LRP5: variants seen among roughly 807,000 people sequenced by gnomAD.
LRP5 encodes the protein LDL receptor related protein 5, also known as low-density lipoprotein receptor-related protein 5.
A neutral mutation model predicts 154.1 loss-of-function variants in LRP5; 62 were observed. The observed-to-expected ratio is 0.40, with a 90% CI of 0.33 to 0.50. LRP5 has a LOEUF of 0.50. LRP5 is among the 20% of genes least tolerant of loss of function. LRP5 has a pLI of 0.55. For missense variants in LRP5, 1,915 were observed against 2,336.7 expected (o/e 0.82, Z 3.72); for synonymous variants, 966 against 1,011.5 (o/e 0.96, Z 0.85).
rs767621266 is a variant in LRP5, at chr11:68,405,783, A to G, written c.1802-741A>G. On this transcript the variant is annotated intron_variant, in intron 8 of 22. Coordinates refer to ENST00000294304, the MANE Select transcript of LRP5 (RefSeq NM_002335.4). ...CAAAAATAAACGAACGGTCTGTACT[A>G]TGTGAAAAAGAGGCAGCTTTGGCCA... 1.8e-4 allele frequency among the ~76,000 whole-genome samples: 28 copies of G among 152,362 alleles called. No homozygotes were observed. In the Middle Eastern group the frequency reaches 0.01, roughly 56 times the overall value.
chr11:68,342,112 G>A (rs541104950), intron 1 of LRP5, among the ~76,000 whole-genome samples: 1 of 150,702 alleles, frequency 6.6e-6, no homozygotes, highest in Non-Finnish European at 1.5e-5. Flanking sequence ...TTTTTGTAGA[G>A]ATGCGGTCTT....
rs2098643421 is a variant in LRP5 at position 68,386,980 on chromosome 11, GAGCCCTTTGT to G, written c.1412+269_1412+278del. Among the ~76,000 whole-genome samples, 4 of 152,324 alleles carry G rather than the reference GAGCCCTTTGT, an allele frequency of 2.6e-5. No homozygotes were observed. The South Asian group carries it at 8.3e-4, about 32-fold the overall frequency. On this transcript the variant is annotated intron_variant, in intron 6 of 22. Transcript: ENST00000294304. The surrounding 1 kb of genome is among the most constrained non-coding windows in gnomAD (Gnocchi z 7.9). ...GTAGAAAGCCCTGGAGACCTGGAGG[GAGCCCTTTGT>G]TCCCCTGGCTTCAGTTTCCTCATCT...
intron 8 of LRP5, 118 bp from the exon 9 acceptor site, chr11:68,406,406 T>C: frequency 8.7e-7 from 1 of 1,144,086 alleles, no homozygotes; most frequent in Non-Finnish European, 1.3e-6. Context: ...GGGTGAGTCC[T>C]GAGCTCGGCA....
chr11:68,412,173 C>T (rs889035813), intron 11 of LRP5, among the ~76,000 whole-genome samples: 48 of 152,098 alleles, frequency 3.2e-4, no homozygotes, highest in Admixed American at 1.7e-3. Flanking sequence ...AAAACCTATC[C>T]CAAGTCACAC....
At chr11:68,409,353 G>A (rs1168592968) in intron 9 of LRP5, among the ~76,000 whole-genome samples, 14 of 143,800 alleles carry the variant, frequency 9.7e-5, no homozygotes, top group South Asian at 2.2e-4. Context: ...TTTAATGTAT[G>A]ATATATAATA....
Position 68,403,803 on chromosome 11 carries a change from A to G in LRP5, c.1801+104A>G, listed in dbSNP as rs1210813579. ...ATAAGTGTTGAGCTCAGGTGCCCCG[A>G]CCTGGGGAAGGGCAGGACAGGAAAG... On this transcript the variant is annotated intron_variant, in intron 8 of 22. Transcript: ENST00000294304. 7.9e-6 allele frequency: 11 copies of G among 1,386,570 alleles called. 1 individual carries two copies. The highest frequency in any genetic ancestry group is 1.1e-5 in the Non-Finnish European group (11 of 1,000,042). The allele number at this position is 1,386,570 out of a possible 1,614,324, so 85.9% of individuals were successfully genotyped here.
chr11:68,356,412 C>T (rs534058230), intron 2 of LRP5, among the ~76,000 whole-genome samples: 2 of 152,164 alleles, frequency 1.3e-5, no homozygotes, highest in Non-Finnish European at 1.5e-5. Flanking sequence ...ACTGGAATTA[C>T]AGGTGCAAGC....
intron 21 of LRP5, among the ~76,000 whole-genome samples, chr11:68,443,583 A>ATTTT (rs1352836968): frequency 1.2e-4 from 4 of 33,064 alleles, no homozygotes; most frequent in African/African-American, 4.3e-4. Context: ...ATATATATAT[A>ATTTT]TATTTTTTTT....
At chr11:68,404,994 TCC>T (rs2098654756) in intron 8 of LRP5, among the ~76,000 whole-genome samples, 2 of 108,422 alleles carry the variant, frequency 1.8e-5, no homozygotes, top group Admixed American at 9.0e-5. Flanking sequence ...AAAAAAAAAG[TCC>T]AAAAAAAAAA....
At chr11:68,437,161 G>C (rs1452012957) in intron 19 of LRP5, among the ~76,000 whole-genome samples, 162 bp downstream of exon 19, 1 of 152,212 alleles carries the variant, frequency 6.6e-6, no homozygotes, top group Non-Finnish European at 1.5e-5. Flanking sequence ...CCTTTCCCAG[G>C]GCAGCGGCCA....
chr11:68,397,467 C>G (rs1257019889), intron 7 of LRP5, among the ~76,000 whole-genome samples: 1 of 152,196 alleles, frequency 6.6e-6, no homozygotes, highest in African/African-American at 2.4e-5. Flanking sequence ...CGGCCCTCTC[C>G]CCTGGAAGCC....
At chr11:68,304,476 G>A in the LRP5 span, among the ~76,000 whole-genome samples, 13 of 152,266 alleles carry the variant, frequency 8.5e-5, no homozygotes, top group African/African-American at 2.9e-4. Context: ...GAAATGTGGG[G>A]TTGGAGGCCC....
intron 1 of LRP5, among the ~76,000 whole-genome samples, chr11:68,318,113 G>T (rs1409975190): frequency 2.7e-5 from 4 of 150,396 alleles, no homozygotes; most frequent in South Asian, 2.1e-4. Flanking sequence ...GGAGTGCAGC[G>T]GTGTGATCTC....
At chr11:68,350,990 G>T (rs11604447) in intron 2 of LRP5, among the ~76,000 whole-genome samples, 15,744 of 152,268 alleles carry the variant, frequency 0.1, 1,093 homozygotes, top group Admixed American at 0.24. Flanking sequence ...GGATATTTGT[G>T]TGTGTATGAG....
intron 17 of LRP5, 105 bp from the exon 18 acceptor site, chr11:68,433,497 C>T (rs202026428): frequency 5.9e-5 from 60 of 1,021,246 alleles, no homozygotes; most frequent in South Asian, 4.3e-4. Context: ...GATGCCAAAC[C>T]CGCGCTGAGT....
chr11:68,371,795 C>T (rs372626759), intron 5 of LRP5, among the ~76,000 whole-genome samples: 97 of 152,388 alleles, frequency 6.4e-4, no homozygotes, highest in South Asian at 5.0e-3. Flanking sequence ...GCAGAGGCCT[C>T]GTGCAGGGCA....
chr11:68,338,409 A>G (rs1565327050), intron 1 of LRP5, among the ~76,000 whole-genome samples: 1 of 152,206 alleles, frequency 6.6e-6, no homozygotes, highest in Admixed American at 6.5e-5. Flanking sequence ...ATATGCTTAC[A>G]TGGGTTAAAA....
chr11:68,404,629 G>A (rs1591285893), intron 8 of LRP5, among the ~76,000 whole-genome samples: 1 of 152,116 alleles, frequency 6.6e-6, no homozygotes, highest in African/African-American at 2.4e-5. Flanking sequence ...TCATGTAGGG[G>A]ATGCAATCCA....
At chr11:68,338,249 A>C (rs2098606816) in intron 1 of LRP5, among the ~76,000 whole-genome samples, 2 of 152,182 alleles carry the variant, frequency 1.3e-5, no homozygotes, top group Admixed American at 6.5e-5. Context: ...CATGGACTGA[A>C]AATGTTGCTT....
Sources: allele counts gnomAD v4.1 joint callset (sites outside exome capture counted in the v4.1 genomes callset), GRCh38; gene constraint gnomAD v4.1.1; non-coding constraint Gnocchi (gnomAD v3.1); transcripts MANE v1.5; gene names NCBI Gene and HGNC (gene_info 2026-07-23, HGNC 2026-07-21).